AKAP6: variants seen among roughly 807,000 people sequenced by gnomAD.
The protein encoded by AKAP6 is A-kinase anchoring protein 6, also known as A-kinase anchor protein 6.
A neutral mutation model predicts 188.5 loss-of-function variants in AKAP6; 58 were observed. The observed-to-expected ratio is 0.31, with a 90% confidence interval of 0.25 to 0.38. The LOEUF is 0.38. Ranked by LOEUF, AKAP6 falls within the 10% of genes least tolerant of loss-of-function variation. AKAP6 has a pLI of 1.00. For synonymous variants in AKAP6, 989 were observed against 998.6 expected, an observed-to-expected ratio of 0.99 and a Z score of 0.18; for missense variants, 2,710 against 2,740.0, an observed-to-expected ratio of 0.99 and a Z score of 0.24.
chr14:32,594,558 G>A (rs1885613257), intron 5 of AKAP6, among the ~76,000 whole-genome samples: 1 of 152,086 alleles, frequency 6.6e-6, no homozygotes, highest in East Asian at 1.9e-4. Context: ...CATCCTCTTT[G>A]GATGGCATTG....
At chr14:32,660,276 T>C (rs1258377119) in intron 7 of AKAP6, among the ~76,000 whole-genome samples, 1 of 152,106 alleles carries the variant, frequency 6.6e-6, no homozygotes, top group Non-Finnish European at 1.5e-5. Context: ...GATGAGGCAA[T>C]GGGCCAGGTC....
At chr14:32,625,788 C>T (rs1285974413) in intron 7 of AKAP6, among the ~76,000 whole-genome samples, 3 of 152,110 alleles carry the variant, frequency 2.0e-5, no homozygotes, top group African/African-American at 7.2e-5. Flanking sequence ...ATTTCTCTTT[C>T]TGCTCCTGGC....
chr14:32,741,622 TA>T (rs1292663766), intron 11 of AKAP6, among the ~76,000 whole-genome samples: 1 of 152,058 alleles, frequency 6.6e-6, no homozygotes, highest in Non-Finnish European at 1.5e-5. Context: ...TAAAGGATCA[TA>T]TGGTTTTTAT....
chr14:32,577,962 A>G (rs142249802), intron 5 of AKAP6, among the ~76,000 whole-genome samples: 11 of 152,268 alleles, frequency 7.2e-5, no homozygotes, highest in African/African-American at 2.4e-4. Flanking sequence ...CATGAAGAAA[A>G]AGCACGTGTC....
chr14:32,631,795 G>A (rs531167640), intron 7 of AKAP6, among the ~76,000 whole-genome samples: 6 of 152,120 alleles, frequency 3.9e-5, no homozygotes, highest in Admixed American at 3.9e-4. Flanking sequence ...TTTAGGTAAA[G>A]GTCTTAAGAA....
At chr14:32,696,286 G>A (rs1020804019) in intron 9 of AKAP6, among the ~76,000 whole-genome samples, 176 bp downstream of exon 9, 6 of 152,176 alleles carry the variant, frequency 3.9e-5, no homozygotes, top group East Asian at 1.9e-4. Context: ...AGGCTGCACC[G>A]ACATCATAAT....
At chr14:32,826,356 A>C (rs1457751351) in intron 13 of AKAP6, among the ~76,000 whole-genome samples, 1 of 152,206 alleles carries the variant, frequency 6.6e-6, no homozygotes, top group East Asian at 1.9e-4. Context: ...TCCACCCTAT[A>C]ATCACATTCT....
chr14:32,771,898 A>T (rs1183528186), intron 11 of AKAP6, among the ~76,000 whole-genome samples: 1 of 152,122 alleles, frequency 6.6e-6, no homozygotes, highest in Non-Finnish European at 1.5e-5. Flanking sequence ...TATTTATAGG[A>T]CTCACTTGGG....
chr14:32,514,547 C>A (rs1881422723), intron 2 of AKAP6, among the ~76,000 whole-genome samples: 1 of 152,150 alleles, frequency 6.6e-6, no homozygotes, highest in African/African-American at 2.4e-5. Flanking sequence ...AGAAAAAGTA[C>A]TAATGAATAG....
At chr14:32,566,329 A>G (rs1462104737) in intron 4 of AKAP6, among the ~76,000 whole-genome samples, 1 of 151,800 alleles carries the variant, frequency 6.6e-6, no homozygotes, top group African/African-American at 2.4e-5. Flanking sequence ...ATTTATGTTA[A>G]TATATATTAT....
intron 10 of AKAP6, chr14:32,733,003 A>G (rs2031254153): frequency 3.9e-6 from 1 of 257,256 alleles, no homozygotes; most frequent in Non-Finnish European, 7.4e-6. Context: ...CTGTACCCTT[A>G]AGATGAAAAG....
intron 2 of AKAP6, among the ~76,000 whole-genome samples, chr14:32,462,901 C>CAAAAAAAAAAAA (rs71143943): frequency 6.8e-4 from 6 of 8,834 alleles, no homozygotes; most frequent in African/African-American, 8.9e-4. Context: ...AAATGGAAAG[C>CAAAAAAAAAAAA]AAAAAAAAAA....
rs2034544526 is a variant in AKAP6, at chr14:32,822,219, A to G, written c.4406A>G (p.Asp1469Gly). ...AAACATGATGTGTTTACATTTTATGATTACTCATACCTCCAAGGCTCAAAA... is the reference window on the plus strand; with the variant it reads ...AAACATGATGTGTTTACATTTTATGGTTACTCATACCTCCAAGGCTCAAAA... Reference protein sequence around the residue: ...QGKHDVFTFYDYSYLQGSKLK... With the variant: ...QGKHDVFTFYGYSYLQGSKLK... Residue 1469 changes from aspartate to glycine, a missense_variant, in exon 13 of 14, where the codon GAT becomes GGT. Asp to Gly is a moderately conservative substitution (Grantham distance 94). Transcript: ENST00000280979. 3 of 1,613,802 alleles carry G rather than the reference A, an allele frequency of 1.9e-6. No individual in the cohort carries two copies. The East Asian group carries it at 6.7e-5, about 36-fold the overall frequency.
chr14:32,596,497 T>G (rs1885710404), intron 5 of AKAP6, among the ~76,000 whole-genome samples: 1 of 152,170 alleles, frequency 6.6e-6, no homozygotes, highest in Non-Finnish European at 1.5e-5. Flanking sequence ...GTTTTTCCAT[T>G]TCCTTAGTTA....
chr14:32,522,180 A>G (rs1288676172), intron 2 of AKAP6, among the ~76,000 whole-genome samples: 1 of 152,234 alleles, frequency 6.6e-6, no homozygotes, highest in Non-Finnish European at 1.5e-5. Context: ...CTTATACAAA[A>G]ATTAATTCAA....
At chr14:32,364,470 T>G (rs1887764160) in intron 1 of AKAP6, among the ~76,000 whole-genome samples, 1 of 152,138 alleles carries the variant, frequency 6.6e-6, no homozygotes, top group Non-Finnish European at 1.5e-5. Context: ...CCCTACCCAA[T>G]TTGTTGAAAG....
chr14:32,407,794 C>CA (rs1419543417), intron 1 of AKAP6, among the ~76,000 whole-genome samples: 1 of 152,116 alleles, frequency 6.6e-6, no homozygotes, highest in Non-Finnish European at 1.5e-5. Context: ...AGAAACCATA[C>CA]AAAATCCCCA....
chr14:32,517,586 C>T (rs1182890041), intron 2 of AKAP6, among the ~76,000 whole-genome samples: 1 of 152,238 alleles, frequency 6.6e-6, no homozygotes, highest in South Asian at 2.1e-4. Flanking sequence ...CCCACGGAGC[C>T]TCGCTCACTG....
chr14:32,553,855 G>C (rs1883584659), intron 4 of AKAP6, among the ~76,000 whole-genome samples: 1 of 152,200 alleles, frequency 6.6e-6, no homozygotes, highest in Non-Finnish European at 1.5e-5. Flanking sequence ...CCCATTGTGT[G>C]AATAAATTAC....
Sources: allele counts gnomAD v4.1 joint callset (sites outside exome capture counted in the v4.1 genomes callset), GRCh38; gene constraint gnomAD v4.1.1; transcripts MANE v1.5; gene names NCBI Gene and HGNC (gene_info 2026-07-23, HGNC 2026-07-21).